PTGER3: variants seen among roughly 807,000 people sequenced by gnomAD.
PTGER3 encodes the protein prostaglandin E2 receptor EP3 subtype.
PTGER3 carries 22 observed loss-of-function variants against 34.7 expected under a neutral mutation model. The ratio of observed to expected loss-of-function variants is 0.63; its 90% CI spans 0.45 to 0.91. The LOEUF (loss-of-function observed/expected upper bound fraction) is 0.91. PTGER3 is among the 40% of genes least tolerant of loss of function. The probability of loss-of-function intolerance (pLI) is 0.00; values close to 1 mark genes in which losing one functional copy is unlikely to be tolerated. For missense variants in PTGER3, 468 were observed against 519.4 expected (o/e 0.90, Z 0.96); for synonymous variants, 241 against 230.1 (o/e 1.05, Z -0.43).
chr1:70,863,765 A>T (rs1645980876), intron 4 of PTGER3, among the ~76,000 whole-genome samples: 1 of 152,172 alleles, frequency 6.6e-6, no homozygotes, highest in South Asian at 2.1e-4. Context: ...AACAACCTGA[A>T]CGAAGGTAGA....
At chr1:70,856,215 C>T (rs965141683) in intron 4 of PTGER3, among the ~76,000 whole-genome samples, 4 of 151,972 alleles carry the variant, frequency 2.6e-5, no homozygotes, top group Non-Finnish European at 5.9e-5. Flanking sequence ...TGTCAGTTAT[C>T]TTTATGACCT....
At chr1:70,972,328 AC>A (rs1257648431) in intron 3 of PTGER3, among the ~76,000 whole-genome samples, 10 of 152,320 alleles carry the variant, frequency 6.6e-5, no homozygotes, top group South Asian at 2.1e-4. Flanking sequence ...TCTCAAAAAA[AC>A]ATAATTAATT....
chr1:71,046,477 T>C (rs2817867), intron 1 of PTGER3, among the ~76,000 whole-genome samples: 25,607 of 152,128 alleles, frequency 0.17, 3,250 homozygotes, highest in African/African-American at 0.35. Flanking sequence ...CTAATGCGAA[T>C]CCTGGCTCTT....
intron 4 of PTGER3, among the ~76,000 whole-genome samples, chr1:70,898,576 T>C (rs1425206759): frequency 6.6e-6 from 1 of 152,148 alleles, no homozygotes; most frequent in Non-Finnish European, 1.5e-5. Context: ...CATAGTGTAG[T>C]GGTCATGAGC....
chr1:71,013,845 C>G (rs773986767), intron 1 of PTGER3, among the ~76,000 whole-genome samples: 2 of 151,850 alleles, frequency 1.3e-5, no homozygotes, highest in Admixed American at 6.6e-5. Context: ...TTCATAATAG[C>G]AAAAAAAGCA....
chr1:71,009,984 T>G (rs1340937132), intron 2 of PTGER3: 4 of 985,108 alleles, frequency 4.1e-6, no homozygotes, highest in Non-Finnish European at 4.8e-6. Context: ...GCCTAGATAA[T>G]AAAACTCATA....
chr1:70,932,676 T>C (rs1005348195), intron 4 of PTGER3, among the ~76,000 whole-genome samples: 2 of 152,138 alleles, frequency 1.3e-5, no homozygotes, highest in African/African-American at 4.8e-5. Context: ...GCACCCATGA[T>C]TTATATTATC....
chr1:70,859,191 C>G lies in PTGER3; in HGVS notation c.*24-6332G>C, dbSNP rs1219638887. ...TCTCATGCTGAATTTCATCCTCTTGCTCATTACTTCCATAAATTATTCCTT... is the reference window on the plus strand; with the variant it reads ...TCTCATGCTGAATTTCATCCTCTTGGTCATTACTTCCATAAATTATTCCTT... On this transcript the variant is annotated intron_variant, in intron 4 of 4. Transcript: ENST00000370931. 2.6e-5 allele frequency among the ~76,000 whole-genome samples: 4 copies of G among 152,214 alleles called. No individual in the cohort carries two copies. In the East Asian group the frequency reaches 5.8e-4, roughly 22 times the overall value.
chr1:70,943,847 G>GGAGA (rs60989903), intron 4 of PTGER3, among the ~76,000 whole-genome samples: 3,452 of 138,284 alleles, frequency 0.025, 105 homozygotes, highest in African/African-American at 0.076. Context: ...GGAGAGAGAG[G>GGAGA]GAGAGAGAGA....
At chr1:70,888,576 T>C (rs745496436) in intron 4 of PTGER3, among the ~76,000 whole-genome samples, 57 of 152,252 alleles carry the variant, frequency 3.7e-4, no homozygotes, top group African/African-American at 1.3e-3. Flanking sequence ...TTAACCATAG[T>C]CCCCATGCTA....
chr1:70,982,355 G>C (rs1654464601), intron 2 of PTGER3, among the ~76,000 whole-genome samples: 1 of 152,046 alleles, frequency 6.6e-6, no homozygotes, highest in Admixed American at 6.6e-5. Context: ...CACCCCCCAG[G>C]CTGTTGGGAA....
At chr1:70,864,464 G>A (rs1174509067) in intron 4 of PTGER3, among the ~76,000 whole-genome samples, 1 of 152,096 alleles carries the variant, frequency 6.6e-6, no homozygotes, top group Non-Finnish European at 1.5e-5. Context: ...AATTAAACAC[G>A]GAGGACATTG....
chr1:70,890,949 C>T (rs1025393071), intron 4 of PTGER3, among the ~76,000 whole-genome samples: 6 of 152,130 alleles, frequency 3.9e-5, no homozygotes, highest in East Asian at 1.9e-4. Flanking sequence ...ACATAATAAG[C>T]CCTCTTACTT....
chr1:70,898,354 C>T (rs1646766720), intron 4 of PTGER3, among the ~76,000 whole-genome samples: 2 of 152,100 alleles, frequency 1.3e-5, no homozygotes, highest in Admixed American at 1.3e-4. Flanking sequence ...GATTCTTCTC[C>T]ACAGCCTGCT....
At chr1:71,035,717 T>C (rs1375924436) in intron 1 of PTGER3, among the ~76,000 whole-genome samples, 2 of 152,228 alleles carry the variant, frequency 1.3e-5, no homozygotes, top group Non-Finnish European at 1.5e-5. Context: ...GACAAGGTTG[T>C]GAATTATCTG....
intron 1 of PTGER3, among the ~76,000 whole-genome samples, chr1:71,024,468 C>G (rs1268872620): frequency 6.6e-6 from 1 of 152,006 alleles, no homozygotes. Context: ...GGGATCAATT[C>G]TATCCTATAT....
At chr1:71,038,192 A>G (rs940932935) in intron 1 of PTGER3, among the ~76,000 whole-genome samples, 1 of 152,232 alleles carries the variant, frequency 6.6e-6, no homozygotes, top group Non-Finnish European at 1.5e-5. Flanking sequence ...TCAACCATAG[A>G]AAATGACATT....
intron 2 of PTGER3, among the ~76,000 whole-genome samples, chr1:70,993,107 T>G (rs931290254): frequency 7.9e-5 from 12 of 152,192 alleles, no homozygotes; most frequent in African/African-American, 2.9e-4. Context: ...TATACTTACT[T>G]TCTTCCCACT....
At chr1:71,032,224 T>C (rs139101711) in intron 1 of PTGER3, among the ~76,000 whole-genome samples, 69 of 152,330 alleles carry the variant, frequency 4.5e-4, no homozygotes, top group African/African-American at 1.6e-3. Flanking sequence ...TTTCGTCTTA[T>C]AAGGCCACCT....
Sources: gnomAD v4.1 joint callset for allele counts (sites outside exome capture counted in the v4.1 genomes callset) on GRCh38, gnomAD v4.1.1 for gene constraint, MANE v1.5 for transcripts, NCBI Gene and HGNC (gene_info 2026-07-23, HGNC 2026-07-21) for gene names.